LETM1: variants seen among roughly 807,000 people sequenced by gnomAD.
LETM1 encodes the protein mitochondrial proton/calcium exchanger protein.
In LETM1, 50 loss-of-function variants were observed where a neutral mutation model predicts 74.5. The observed-to-expected ratio is 0.67, with a 90% CI of 0.53 to 0.85. The LOEUF (loss-of-function observed/expected upper bound fraction) is 0.85. Ranked by LOEUF, LETM1 falls within the 40% of genes least tolerant of loss-of-function variation. The pLI is 0.00. For missense variants in LETM1, 824 were observed against 967.8 expected, an observed-to-expected ratio of 0.85 and a Z score of 1.97; for synonymous variants, 446 against 407.1, an observed-to-expected ratio of 1.10 and a Z score of -1.15.
Position 1,822,188 on chromosome 4 carries a change from C to A in LETM1, c.1601G>T (p.Gly534Val). The A allele has an allele frequency of 7.0e-7, 1 of 1,428,340 alleles. No homozygotes were observed. The allele number at this position is 1,428,340 out of a possible 1,614,324, so 88.5% of individuals were successfully genotyped here. Residue 534 changes from glycine to valine, a missense_variant, in exon 10 of 14, where the codon GGC (glycine) becomes GTC (valine). Transcript: ENST00000302787. ...CAGAACCTGCCTCATTACCTTCAAGCCCTCCAGCACCGGGGCAGTGTCCTT... is the reference window on the plus strand; with the variant it reads ...CAGAACCTGCCTCATTACCTTCAAGACCTCCAGCACCGGGGCAGTGTCCTT... ...TLKDTAPVLE[G>V]LKEEEITKEE...
intron 2 of LETM1, among the ~76,000 whole-genome samples, chr4:1,843,529 A>G (rs58128263): frequency 0.095 from 14,397 of 152,274 alleles, 2,119 homozygotes; most frequent in African/African-American, 0.32. Context: ...CCTCCCCCAA[A>G]AACTCTCCCA....
chr4:1,833,165 G>A (rs1159120407), intron 5 of LETM1: 7 of 550,902 alleles, frequency 1.3e-5, no homozygotes, highest in African/African-American at 7.6e-5. Context: ...TCCACCTCCT[G>A]GGTTCAAGGG....
In LETM1 at chr4:1,811,989, G is replaced by A. The variant is rs1163930352; in HGVS notation, c.*2435C>T. The A allele has an allele frequency of 6.6e-6, 1 of 152,104 alleles. No individual in the cohort carries two copies. Among genetic ancestry groups the A allele is most frequent in the African/African-American group, 2.4e-5 (1 of 41,418 alleles). The allele number at this position is 152,104 out of a possible 1,614,324, so 9.4% of individuals were successfully genotyped here. A position where few individuals can be genotyped will look rare whatever the true frequency, so the allele number is the denominator to read the frequency against. ...CGAGGTGAGTAGATCACGAAGTCAG[G>A]AGATCGAGACCATCCTGGCTAACAC... On this transcript the variant is annotated 3_prime_UTR_variant, in exon 14 of 14. Coordinates refer to ENST00000302787, the MANE Select transcript of LETM1 (RefSeq NM_012318.3).
rs1344168420 is a variant in LETM1 at position 1,836,332 on chromosome 4, T to C, written c.738+97A>G. ...GGACAATATGAAGATACATAAAGTC[T>C]CAAAAATATCTAGCACCTGAAAAGT... is the stretch of plus-strand genomic sequence containing the variant. On this transcript the variant is annotated intron_variant, in intron 4 of 13. Coordinates refer to ENST00000302787, the MANE Select transcript of LETM1 (RefSeq NM_012318.3). This position sits in a 1 kb window ranked among gnomAD's most constrained non-coding sequence, Gnocchi z 5.8. The C allele has an allele frequency of 1.2e-5, 15 of 1,229,720 alleles. No homozygotes were observed. Among genetic ancestry groups the C allele is most frequent in the African/African-American group, 1.1e-4 (7 of 66,352 alleles). The allele number at this position is 1,229,720 out of a possible 1,614,324, so 76.2% of individuals were successfully genotyped here.
chr4:1,822,096 C>T, intron 10 of LETM1, 85 bp downstream of exon 10: 1 of 1,293,926 alleles, frequency 7.7e-7, no homozygotes, highest in Non-Finnish European at 1.0e-6. Context: ...CCCAGCTAAC[C>T]TGTCCCCATC....
chr4:1,844,973 C>A (rs1390041859), intron 2 of LETM1, among the ~76,000 whole-genome samples: 1 of 151,068 alleles, frequency 6.6e-6, no homozygotes, highest in East Asian at 2.0e-4. Flanking sequence ...GGGCAGATCA[C>A]GAGGTCAGGA....
At chr4:1,842,727 C>G (rs1560502957) in intron 2 of LETM1, among the ~76,000 whole-genome samples, 1 of 152,246 alleles carries the variant, frequency 6.6e-6, no homozygotes, top group Non-Finnish European at 1.5e-5. Flanking sequence ...CAGTTGCCGC[C>G]TGTGCCATAT....
intron 11 of LETM1, among the ~76,000 whole-genome samples, chr4:1,818,436 AC>A (rs1024625404): frequency 7.3e-5 from 11 of 151,716 alleles, no homozygotes; most frequent in African/African-American, 2.4e-4. Context: ...ACATGGTGAA[AC>A]CCTGTCTCTA....
intron 2 of LETM1, among the ~76,000 whole-genome samples, chr4:1,847,161 G>A (rs1712907485): frequency 1.3e-5 from 2 of 151,884 alleles, no homozygotes; most frequent in Admixed American, 6.6e-5. Context: ...GTGAGAACCT[G>A]TCTCTACAAA....
rs11931757 is a variant in LETM1, at chr4:1,827,140, C to G, written c.1081-1457G>C. The stretch of plus-strand genomic sequence containing the variant: ...TTTCTCTTACTGTTTCCTTTCTGGT[C>G]GAGGAGCTTCCCTCAGCCCTTCCTT... On this transcript the variant is annotated intron_variant, in intron 6 of 13. Coordinates refer to ENST00000302787, the MANE Select transcript of LETM1 (RefSeq NM_012318.3). Among the ~76,000 whole-genome samples the G allele has an allele frequency of 4.6e-5, 7 of 152,220 alleles. No individual in the cohort carries two copies. The East Asian group carries it at 1.3e-3, about 29-fold the overall frequency.
chr4:1,837,748 G>A (rs1248903014), intron 3 of LETM1, among the ~76,000 whole-genome samples: 1 of 139,110 alleles, frequency 7.2e-6, no homozygotes, highest in African/African-American at 2.7e-5. Context: ...CTGTCACCCA[G>A]GCTGGAGTGC....
At chr4:1,828,398 C>T (rs1395450308) in intron 6 of LETM1, among the ~76,000 whole-genome samples, 5 of 100,634 alleles carry the variant, frequency 5.0e-5, no homozygotes, top group Non-Finnish European at 8.2e-5. Flanking sequence ...ACCTCCCTCC[C>T]GGACGGGGCG....
At chr4:1,827,462 T>C (rs1156627564) in intron 6 of LETM1, among the ~76,000 whole-genome samples, 3 of 113,936 alleles carry the variant, frequency 2.6e-5, no homozygotes, top group Non-Finnish European at 5.3e-5. Context: ...TGTCCCTGAT[T>C]ACTTGAGATT....
intron 10 of LETM1, among the ~76,000 whole-genome samples, chr4:1,821,129 T>G (rs1020048980): frequency 2.7e-4 from 41 of 151,704 alleles, no homozygotes; most frequent in African/African-American, 9.9e-4. Flanking sequence ...TGAAATTTTT[T>G]TTTTTTTTTT....
At chr4:1,843,433 G>A (rs548335554) in intron 2 of LETM1, among the ~76,000 whole-genome samples, 1 of 152,350 alleles carries the variant, frequency 6.6e-6, no homozygotes, top group East Asian at 1.9e-4. Context: ...GGCACTGTCA[G>A]CCCAGGGCAG....
intron 11 of LETM1, among the ~76,000 whole-genome samples, chr4:1,818,220 T>A (rs544732454): frequency 1.3e-4 from 20 of 152,342 alleles, no homozygotes; most frequent in Non-Finnish European, 1.9e-4. Flanking sequence ...AGAACCCACA[T>A]GGCATGAGGG....
chr4:1,845,171 T>TA (rs1560505270), intron 2 of LETM1, among the ~76,000 whole-genome samples: 2 of 152,190 alleles, frequency 1.3e-5, no homozygotes, highest in African/African-American at 2.4e-5. Flanking sequence ...GCCTGGGCGA[T>TA]AGAGTGAGAC....
chr4:1,847,816 C>A (rs1163339712), intron 2 of LETM1, among the ~76,000 whole-genome samples: 3 of 123,230 alleles, frequency 2.4e-5, no homozygotes, highest in Admixed American at 1.8e-4. Flanking sequence ...AAGAACAAAA[C>A]TCGGTCTCAA....
At chr4:1,822,812 G>C in intron 9 of LETM1, 176 bp downstream of exon 9, 2 of 502,528 alleles carry the variant, frequency 4.0e-6, no homozygotes, top group Non-Finnish European at 6.2e-6. Flanking sequence ...CCATGTCAGA[G>C]TTGCAGCCCT....
Sources: allele counts gnomAD v4.1 joint callset (sites outside exome capture counted in the v4.1 genomes callset), GRCh38; gene constraint gnomAD v4.1.1; non-coding constraint Gnocchi (gnomAD v3.1); transcripts MANE v1.5; gene names NCBI Gene and HGNC (gene_info 2026-07-23, HGNC 2026-07-21).